PRKG1: variants seen among roughly 807,000 people sequenced by gnomAD.
The protein encoded by PRKG1 is cGMP-dependent protein kinase 1.
Under a neutral mutation model 88.1 loss-of-function variants are expected in PRKG1, and 35 were observed. The observed-to-expected ratio is 0.40, with a 90% CI of 0.30 to 0.53. The LOEUF (loss-of-function observed/expected upper bound fraction) is 0.53. PRKG1 is among the 20% of genes least tolerant of loss of function. The pLI, the probability that PRKG1 is intolerant of heterozygous loss-of-function variation, is 0.59. For missense variants in PRKG1, 540 were observed against 839.8 expected (o/e 0.64, Z 4.41); for synonymous variants, 303 against 292.5 (o/e 1.04, Z -0.37).
chr10:50,999,453 T>C (rs553321390), intron 1 of PRKG1, among the ~76,000 whole-genome samples: 1 of 152,344 alleles, frequency 6.6e-6, no homozygotes, highest in Non-Finnish European at 1.5e-5. Context: ...TCTTCAATTA[T>C]CCTCTCGGAC....
At chr10:52,250,166 T>A (rs1432216230) in intron 9 of PRKG1, among the ~76,000 whole-genome samples, 1 of 152,202 alleles carries the variant, frequency 6.6e-6, no homozygotes, top group Non-Finnish European at 1.5e-5. Flanking sequence ...CCCGGATCAC[T>A]ATGTTGATCT....
chr10:51,531,653 T>G (rs1842019350), intron 3 of PRKG1, among the ~76,000 whole-genome samples: 1 of 138,790 alleles, frequency 7.2e-6, no homozygotes, highest in African/African-American at 2.7e-5. Context: ...TTTTTTTTTT[T>G]TTTTTTTTTT....
intron 8 of PRKG1, among the ~76,000 whole-genome samples, chr10:52,143,401 T>G (rs1837638926): frequency 6.6e-6 from 1 of 152,118 alleles, no homozygotes; most frequent in Admixed American, 6.6e-5. Flanking sequence ...AATAGTAGTA[T>G]CCCTCACCTC....
intron 1 of PRKG1, among the ~76,000 whole-genome samples, chr10:51,126,156 T>TTTATATGTAATTATTTATATA (rs1564610341): frequency 6.0e-5 from 7 of 117,450 alleles, no homozygotes; most frequent in African/African-American, 2.5e-4. Context: ...TTATATAATT[T>TTTATATGTAATTATTTATATA]TTTATATGTA....
chr10:51,554,669 C>G (rs967866320), intron 3 of PRKG1, among the ~76,000 whole-genome samples: 1 of 141,884 alleles, frequency 7.0e-6, no homozygotes, highest in East Asian at 2.2e-4. Flanking sequence ...GTTTCTCCCT[C>G]TATTAGACTA....
chr10:52,274,043 G>A (rs1360453675), intron 12 of PRKG1, among the ~76,000 whole-genome samples: 1 of 151,968 alleles, frequency 6.6e-6, no homozygotes, highest in Non-Finnish European at 1.5e-5. Context: ...AATTAGAATA[G>A]AAGAAGATTT....
At chr10:51,628,122 C>CTCTTTCTTTCTT (rs11269617) in intron 3 of PRKG1, among the ~76,000 whole-genome samples, 81 of 116,890 alleles carry the variant, frequency 6.9e-4, no homozygotes, top group Middle Eastern at 4.2e-3. Context: ...TTCTTTATTT[C>CTCTTTCTTTCTT]TCTTTCTTTC....
chr10:52,012,422 T>C (rs1844912887), intron 5 of PRKG1, among the ~76,000 whole-genome samples: 1 of 152,134 alleles, frequency 6.6e-6, no homozygotes, highest in South Asian at 2.1e-4. Context: ...TTTTGTATTT[T>C]TAGTAGAGAC....
intron 5 of PRKG1, among the ~76,000 whole-genome samples, chr10:52,023,456 G>T (rs891753273): frequency 3.3e-5 from 5 of 152,136 alleles, no homozygotes; most frequent in Admixed American, 1.3e-4. Context: ...GGGTCAAATG[G>T]TATTTCTAGT....
intron 1 of PRKG1, among the ~76,000 whole-genome samples, chr10:51,056,338 TA>T (rs1843625703): frequency 1.3e-5 from 2 of 151,462 alleles, no homozygotes; most frequent in Non-Finnish European, 2.9e-5. Context: ...GTAAAAGAGT[TA>T]ACTTTCTTAA....
chr10:51,713,009 C>A (rs1467115053), intron 3 of PRKG1, among the ~76,000 whole-genome samples: 1 of 151,804 alleles, frequency 6.6e-6, no homozygotes, highest in Non-Finnish European at 1.5e-5. Context: ...AACTGAGGCA[C>A]AGTTAGGGTA....
chr10:52,157,273 T>C (rs12777875), intron 8 of PRKG1, among the ~76,000 whole-genome samples: 1 of 145,276 alleles, frequency 6.9e-6, no homozygotes, highest in African/African-American at 2.5e-5. Flanking sequence ...TATATACACA[T>C]ATATACATAT....
intron 5 of PRKG1, among the ~76,000 whole-genome samples, chr10:52,003,058 G>A (rs1358263328): frequency 6.6e-6 from 1 of 152,146 alleles, no homozygotes; most frequent in Non-Finnish European, 1.5e-5. Flanking sequence ...TTCACCAAAT[G>A]CCTCCTTGCA....
intron 3 of PRKG1, among the ~76,000 whole-genome samples, chr10:51,693,161 G>A (rs532577889): frequency 3.3e-5 from 5 of 151,524 alleles, no homozygotes; most frequent in South Asian, 2.1e-4. Flanking sequence ...GGTAGCACAC[G>A]CCTGTAATCA....
chr10:51,309,881 T>C (rs1841139446), intron 2 of PRKG1, among the ~76,000 whole-genome samples: 1 of 152,188 alleles, frequency 6.6e-6, no homozygotes, highest in Non-Finnish European at 1.5e-5. Flanking sequence ...AAAGAAAATG[T>C]GGTATACATA....
chr10:51,768,605 T>C (rs1162431848), intron 3 of PRKG1, among the ~76,000 whole-genome samples: 1 of 152,156 alleles, frequency 6.6e-6, no homozygotes, highest in Non-Finnish European at 1.5e-5. Flanking sequence ...TGAGCAGTGA[T>C]AAAATTTGTA....
chr10:51,125,439 G>A (rs997134985), intron 1 of PRKG1, among the ~76,000 whole-genome samples: 14 of 150,574 alleles, frequency 9.3e-5, no homozygotes, highest in Non-Finnish European at 5.9e-5. Context: ...TGTAATCTCA[G>A]CATTTTAGGA....
intron 2 of PRKG1, among the ~76,000 whole-genome samples, chr10:51,404,637 G>A (rs147002693): frequency 9.7e-4 from 147 of 152,306 alleles, no homozygotes; most frequent in Middle Eastern, 3.4e-3. Flanking sequence ...TGAGAGCTTG[G>A]CCAAGTAATT....
At chr10:52,033,425 T>A (rs1424274932) in intron 5 of PRKG1, among the ~76,000 whole-genome samples, 2 of 152,182 alleles carry the variant, frequency 1.3e-5, no homozygotes, top group African/African-American at 4.8e-5. Context: ...TGCACACACA[T>A]GTTGCTCCTG....
Sources: allele counts gnomAD v4.1 joint callset (sites outside exome capture counted in the v4.1 genomes callset), GRCh38; gene constraint gnomAD v4.1.1; transcripts MANE v1.5; gene names NCBI Gene and HGNC (gene_info 2026-07-23, HGNC 2026-07-21).